Variants in GALNTL6 observed in about 807,000 individuals in gnomAD.
The protein encoded by GALNTL6 is polypeptide N-acetylgalactosaminyltransferase like 6, also known as polypeptide N-acetylgalactosaminyltransferase-like 6.
A neutral mutation model predicts 73.7 loss-of-function variants in GALNTL6; 46 were observed. The observed-to-expected ratio is 0.62, with a 90% CI of 0.49 to 0.80. GALNTL6 has a LOEUF of 0.80. Ranked by LOEUF, GALNTL6 falls within the 30% of genes least tolerant of loss-of-function variation. The probability of loss-of-function intolerance (pLI) is 0.00; values close to 1 mark genes in which losing one functional copy is unlikely to be tolerated. For synonymous variants in GALNTL6, 259 were observed against 263.7 expected, an observed-to-expected ratio of 0.98 and a Z score of 0.17; for missense variants, 604 against 755.0, an observed-to-expected ratio of 0.80 and a Z score of 2.34.
chr4:172,464,362 A>G (rs538879298), intron 5 of GALNTL6, among the ~76,000 whole-genome samples: 3 of 152,272 alleles, frequency 2.0e-5, no homozygotes, highest in African/African-American at 7.2e-5. Flanking sequence ...TTTTGTGAAC[A>G]TTAAGTACTT....
At chr4:172,704,417 A>T (rs186151958) in intron 5 of GALNTL6, among the ~76,000 whole-genome samples, 87 of 151,706 alleles carry the variant, frequency 5.7e-4, no homozygotes, top group Non-Finnish European at 2.7e-4. Flanking sequence ...GTTTCAAAAC[A>T]TTTTTTTTAA....
At chr4:172,751,861 A>G (rs1737442343) in intron 5 of GALNTL6, among the ~76,000 whole-genome samples, 1 of 152,116 alleles carries the variant, frequency 6.6e-6, no homozygotes. Flanking sequence ...TGGCTCATTA[A>G]ATTATTCTGT....
At chr4:172,601,499 C>G (rs1738050323) in intron 5 of GALNTL6, among the ~76,000 whole-genome samples, 1 of 152,140 alleles carries the variant, frequency 6.6e-6, no homozygotes. Context: ...TTCCTAGACC[C>G]TCTCTTGCTT....
intron 2 of GALNTL6, among the ~76,000 whole-genome samples, chr4:172,089,003 A>T (rs6829817): frequency 0.017 from 2,542 of 152,306 alleles, 63 homozygotes; most frequent in African/African-American, 0.055. Flanking sequence ...TGAGACCTGC[A>T]AAAGAAGAAA....
intron 5 of GALNTL6, among the ~76,000 whole-genome samples, chr4:172,423,654 A>T (rs1731126959): frequency 1.3e-5 from 2 of 152,140 alleles, no homozygotes; most frequent in African/African-American, 4.8e-5. Flanking sequence ...TGCCTAATAT[A>T]TCATGTATTT....
intron 2 of GALNTL6, among the ~76,000 whole-genome samples, chr4:172,106,130 G>A (rs1732668558): frequency 6.6e-6 from 1 of 152,194 alleles, no homozygotes; most frequent in East Asian, 1.9e-4. Context: ...ACAGCAAAAG[G>A]GTTCAGAGAG....
At chr4:172,382,348 T>A (rs764572860) in intron 5 of GALNTL6, among the ~76,000 whole-genome samples, 2 of 152,130 alleles carry the variant, frequency 1.3e-5, no homozygotes, top group Non-Finnish European at 2.9e-5. Flanking sequence ...TGATTTATAT[T>A]TACCTAATGA....
intron 2 of GALNTL6, among the ~76,000 whole-genome samples, chr4:171,965,692 G>A (rs371087312): frequency 2.7e-4 from 40 of 147,098 alleles, no homozygotes; most frequent in African/African-American, 8.0e-4. Flanking sequence ...GAGTCAATGG[G>A]ATAATACCAT....
chr4:172,095,401 T>G (rs1732322915), intron 2 of GALNTL6, among the ~76,000 whole-genome samples: 1 of 152,062 alleles, frequency 6.6e-6, no homozygotes, highest in African/African-American at 2.4e-5. Context: ...AGACTGGGTC[T>G]GGAAGTGGTG....
At chr4:172,465,639 A>G (rs1214866799) in intron 5 of GALNTL6, among the ~76,000 whole-genome samples, 1 of 152,190 alleles carries the variant, frequency 6.6e-6, no homozygotes, top group Non-Finnish European at 1.5e-5. Flanking sequence ...GCAAACTCCA[A>G]ACATGCCACC....
At chr4:172,774,520 C>CTGTTTAGATA (rs1209724459) in intron 5 of GALNTL6, among the ~76,000 whole-genome samples, 3 of 152,312 alleles carry the variant, frequency 2.0e-5, no homozygotes, top group Non-Finnish European at 4.4e-5. Context: ...ATGAAGGGAG[C>CTGTTTAGATA]ACACAGCTGT....
Position 172,343,624 on chromosome 4 carries a change from G to C in GALNTL6, c.387-4899G>C, listed in dbSNP as rs559948972. Among the ~76,000 whole-genome samples the C allele has an allele frequency of 3.3e-5, 5 of 152,074 alleles. No homozygotes were observed. In the South Asian group the frequency reaches 1.0e-3, roughly 32 times the overall value. On this transcript the variant is annotated intron_variant, in intron 4 of 12. Coordinates refer to ENST00000506823, the MANE Select transcript of GALNTL6 (RefSeq NM_001034845.3). Reference sequence around the variant, plus strand: ...TAAGTATGTGTTAAACAATACTGTTGAACTGTATTTTAAAAATCTCTCAGT... The same window carrying C: ...TAAGTATGTGTTAAACAATACTGTTCAACTGTATTTTAAAAATCTCTCAGT...
intron 5 of GALNTL6, among the ~76,000 whole-genome samples, chr4:172,530,436 A>G (rs145884685): frequency 6.6e-6 from 1 of 152,262 alleles, no homozygotes; most frequent in East Asian, 1.9e-4. Context: ...ATTAATATTA[A>G]TCTACACAAT....
chr4:172,447,223 A>G (rs376537927), intron 5 of GALNTL6, among the ~76,000 whole-genome samples: 5 of 152,326 alleles, frequency 3.3e-5, no homozygotes, highest in African/African-American at 9.6e-5. Flanking sequence ...ACTATTTCAC[A>G]GAAATGTTCT....
At chr4:172,019,475 G>T (rs568597135) in intron 2 of GALNTL6, among the ~76,000 whole-genome samples, 2 of 152,012 alleles carry the variant, frequency 1.3e-5, no homozygotes, top group African/African-American at 2.4e-5. Flanking sequence ...AATGGAAAAA[G>T]ATATTTCATG....
At chr4:172,951,159 T>G (rs1480774749) in intron 9 of GALNTL6, among the ~76,000 whole-genome samples, 2 of 152,252 alleles carry the variant, frequency 1.3e-5, no homozygotes, top group African/African-American at 4.8e-5. Context: ...CTACTATTTG[T>G]GGTACCTATT....
chr4:172,622,069 A>G (rs1046579479), intron 5 of GALNTL6, among the ~76,000 whole-genome samples: 3 of 152,102 alleles, frequency 2.0e-5, no homozygotes, highest in South Asian at 2.1e-4. Flanking sequence ...CTCCCTACCT[A>G]TCAAACTCAA....
rs1258667457 is a variant in GALNTL6, at chr4:172,170,851, C to T, written c.139-58805C>T. Among the ~76,000 whole-genome samples, 3 of 152,134 alleles carry T rather than the reference C, an allele frequency of 2.0e-5. No individual in the cohort carries two copies. In the East Asian group the frequency reaches 5.8e-4, roughly 29 times the overall value. On this transcript the variant is annotated intron_variant, in intron 2 of 12. Coordinates refer to ENST00000506823, the MANE Select transcript of GALNTL6 (RefSeq NM_001034845.3). ...ATAGCAGTATGAAAATGGACTACTA[C>T]ATGCACTGAAAATGAGGCATTTCTG...
chr4:172,035,045 C>T (rs189688978), intron 2 of GALNTL6, among the ~76,000 whole-genome samples: 2 of 152,170 alleles, frequency 1.3e-5, no homozygotes, highest in Non-Finnish European at 2.9e-5. Flanking sequence ...TTCAAGATAA[C>T]TTGCCATTTT....
Sources: allele counts gnomAD v4.1 joint callset (sites outside exome capture counted in the v4.1 genomes callset), GRCh38; gene constraint gnomAD v4.1.1; transcripts MANE v1.5; gene names NCBI Gene and HGNC (gene_info 2026-07-23, HGNC 2026-07-21).